NAALADL2: variants seen among roughly 807,000 people sequenced by gnomAD.
NAALADL2 encodes inactive N-acetylated-alpha-linked acidic dipeptidase-like protein 2.
NAALADL2 carries 76 observed loss-of-function variants against 87.2 expected under a neutral mutation model. The observed-to-expected ratio is 0.87, with a 90% CI of 0.72 to 1.05. NAALADL2 has a LOEUF of 1.05. NAALADL2 is among the 50% of genes least tolerant of loss of function. The pLI is 0.00. For missense variants in NAALADL2, 1,089 were observed against 945.8 expected (o/e 1.15, Z -1.99); for synonymous variants, 354 against 331.0 (o/e 1.07, Z -0.75).
chr3:174,467,362 A>G (rs138961186), intron 1 of NAALADL2, among the ~76,000 whole-genome samples: 1,573 of 152,262 alleles, frequency 0.01, 15 homozygotes, highest in South Asian at 0.025. Context: ...TGGGAGGCCA[A>G]GGCGGGTGGA....
At chr3:175,431,852 C>T (rs1229828911) in intron 5 of NAALADL2, among the ~76,000 whole-genome samples, 2 of 151,922 alleles carry the variant, frequency 1.3e-5, no homozygotes, top group Non-Finnish European at 2.9e-5. Context: ...GACTTTTATT[C>T]TTATACTCAT....
intron 6 of NAALADL2, among the ~76,000 whole-genome samples, chr3:175,450,794 G>GT (rs923497913): frequency 2.6e-5 from 4 of 152,188 alleles, no homozygotes; most frequent in African/African-American, 9.6e-5. Flanking sequence ...GCAAATGGAT[G>GT]TTGAGAAAGC....
At chr3:175,026,427 A>G (rs1009790179) in intron 1 of NAALADL2, among the ~76,000 whole-genome samples, 1 of 149,492 alleles carries the variant, frequency 6.7e-6, no homozygotes, top group Non-Finnish European at 1.5e-5. Flanking sequence ...CAGGCGGATC[A>G]TGAGGTCAGG....
At chr3:174,882,700 C>CATGTGTATCTACACATATATGTGTAT (rs1729486976) in intron 1 of NAALADL2, among the ~76,000 whole-genome samples, 1 of 130,620 alleles carries the variant, frequency 7.7e-6, no homozygotes, top group South Asian at 2.2e-4. Flanking sequence ...CGTGTATATA[C>CATGTGTATCTACACATATATGTGTAT]ATGTGTATCT....
chr3:175,562,990 TGTA>T (rs1222373861), intron 9 of NAALADL2, among the ~76,000 whole-genome samples: 2 of 151,818 alleles, frequency 1.3e-5, no homozygotes, highest in South Asian at 4.1e-4. Context: ...GTGTTGGTTA[TGTA>T]GTAGTAATGA....
rs1480693734 is a variant in NAALADL2, at chr3:175,209,891, AAAT to A, written c.546-24037_546-24035del. 1.3e-4 allele frequency among the ~76,000 whole-genome samples: 20 copies of A among 151,866 alleles called. No individual in the cohort carries two copies. In the East Asian group the frequency reaches 3.9e-3, roughly 29 times the overall value. The stretch of plus-strand genomic sequence containing the variant: ...TATGTGCAGCATTTAAAAAAATTAA[AAAT>A]AAATAAATAAAGTCTACAAGTCTTC... On this transcript the variant is annotated intron_variant, in intron 2 of 13. Transcript: ENST00000454872.
rs538786179 is a variant in NAALADL2, at chr3:175,257,699, A to G, written c.939+1169A>G. On this transcript the variant is annotated intron_variant, in intron 4 of 13. Coordinates refer to ENST00000454872, the MANE Select transcript of NAALADL2 (RefSeq NM_207015.3). The stretch of plus-strand genomic sequence containing the variant: ...TATTTGAAAATCATGCTGCCTTTAT[A>G]CTGATTTTCTGAATATGCTATAACA... Among the ~76,000 whole-genome samples, 216 of 152,266 alleles carry G rather than the reference A, an allele frequency of 1.4e-3. 1 individual carries two copies. Among genetic ancestry groups the G allele is most frequent in the South Asian group, 4.4e-3 (21 of 4,826 alleles).
intron 2 of NAALADL2, among the ~76,000 whole-genome samples, chr3:174,627,097 C>A (rs1721646783): frequency 6.6e-6 from 1 of 151,936 alleles, no homozygotes; most frequent in African/African-American, 2.4e-5. Context: ...AAAGTTAAGT[C>A]ATTTATATTT....
chr3:174,968,079 A>G (rs73881573), intron 1 of NAALADL2, among the ~76,000 whole-genome samples: 4,988 of 152,274 alleles, frequency 0.033, 261 homozygotes, highest in African/African-American at 0.11. Flanking sequence ...ATTGTAGACT[A>G]CTGTTTAGAA....
chr3:174,453,801 CA>C (rs1231023654), intron 1 of NAALADL2, among the ~76,000 whole-genome samples: 1 of 152,140 alleles, frequency 6.6e-6, no homozygotes, highest in Non-Finnish European at 1.5e-5. Context: ...CCAGCCGCTA[CA>C]AAAACACTTA....
chr3:174,882,130 TTAAG>T (rs1165136619), intron 1 of NAALADL2, among the ~76,000 whole-genome samples: 33 of 152,164 alleles, frequency 2.2e-4, no homozygotes, highest in African/African-American at 7.2e-4. Flanking sequence ...TCCACTTACG[TTAAG>T]TAAGATATTT....
At chr3:174,779,559 T>A (rs1046395318) in intron 3 of NAALADL2, among the ~76,000 whole-genome samples, 1 of 152,200 alleles carries the variant, frequency 6.6e-6, no homozygotes, top group South Asian at 2.1e-4. Flanking sequence ...TATGCCTATG[T>A]CCTGAATGGT....
intron 9 of NAALADL2, among the ~76,000 whole-genome samples, chr3:175,472,113 T>C (rs17600261): frequency 0.091 from 13,811 of 151,994 alleles, 721 homozygotes; most frequent in South Asian, 0.12. Flanking sequence ...AATTTCTTCC[T>C]CTTCATTCTT....
At chr3:175,524,022 T>G (rs1582246782) in intron 9 of NAALADL2, among the ~76,000 whole-genome samples, 3 of 152,326 alleles carry the variant, frequency 2.0e-5, no homozygotes, top group Admixed American at 2.0e-4. Flanking sequence ...TCACCCGATT[T>G]CAAGGCATGT....
At chr3:174,885,959 G>GCT (rs1730089058) in intron 1 of NAALADL2, among the ~76,000 whole-genome samples, 1 of 116,912 alleles carries the variant, frequency 8.6e-6, no homozygotes, top group Non-Finnish European at 1.7e-5. Context: ...TGTTGCCCAG[G>GCT]CTGGAGTGCA....
chr3:174,861,089 A>G (rs1399809), intron 1 of NAALADL2, among the ~76,000 whole-genome samples: 69,650 of 151,818 alleles, frequency 0.46, 16,441 homozygotes, highest in African/African-American at 0.56. Flanking sequence ...TCAGTTATAT[A>G]CTAGGGAGTT....
intron 9 of NAALADL2, among the ~76,000 whole-genome samples, chr3:175,480,703 G>A (rs1726330609): frequency 6.6e-6 from 1 of 151,764 alleles, no homozygotes; most frequent in Non-Finnish European, 1.5e-5. Flanking sequence ...TCAGATTTCA[G>A]TAATATTCAG....
intron 3 of NAALADL2, among the ~76,000 whole-genome samples, chr3:175,247,487 A>G (rs1748201860): frequency 6.6e-6 from 1 of 152,166 alleles, no homozygotes; most frequent in Non-Finnish European, 1.5e-5. Flanking sequence ...CAAAATAATG[A>G]GTCAAATGAA....
intron 1 of NAALADL2, among the ~76,000 whole-genome samples, chr3:174,988,588 AG>A (rs1746294191): frequency 6.6e-6 from 1 of 152,164 alleles, no homozygotes. Context: ...CCCATGATCA[AG>A]GTGTTGGCAG....
Sources: allele counts gnomAD v4.1 joint callset (sites outside exome capture counted in the v4.1 genomes callset), GRCh38; gene constraint gnomAD v4.1.1; transcripts MANE v1.5; gene names NCBI Gene and HGNC (gene_info 2026-07-23, HGNC 2026-07-21).